Variants in SLC4A5 observed in about 807,000 individuals in gnomAD.
The protein encoded by SLC4A5 is solute carrier family 4 member 5, also known as electrogenic sodium bicarbonate cotransporter 4.
In SLC4A5, 96 loss-of-function variants were observed where a neutral mutation model predicts 120.4. The observed-to-expected ratio is 0.80, with a 90% CI of 0.68 to 0.94. The LOEUF (loss-of-function observed/expected upper bound fraction) is 0.94, where lower values mean the gene tolerates loss of function less well. Ranked by LOEUF, SLC4A5 falls within the 40% of genes least tolerant of loss-of-function variation. SLC4A5 has a pLI of 0.00. For missense variants in SLC4A5, 1,259 were observed against 1,459.5 expected (o/e 0.86, Z 2.24); for synonymous variants, 550 against 571.1 (o/e 0.96, Z 0.53).
intron 25 of SLC4A5, among the ~76,000 whole-genome samples, chr2:74,228,755 C>T (rs1279378319): frequency 1.3e-5 from 2 of 150,108 alleles, no homozygotes; most frequent in Non-Finnish European, 3.0e-5. Flanking sequence ...CTAATCAGCA[C>T]TCATCACCAA....
At chr2:74,256,639 A>T (rs1670973112) in intron 12 of SLC4A5, among the ~76,000 whole-genome samples, 1 of 152,222 alleles carries the variant, frequency 6.6e-6, no homozygotes, top group South Asian at 2.1e-4. Context: ...GAGGTACTGG[A>T]GACAAGCCCT....
chr2:74,325,901 GGGAAA>G (rs547355836), intron 5 of SLC4A5, among the ~76,000 whole-genome samples: 37 of 150,336 alleles, frequency 2.5e-4, no homozygotes, highest in Admixed American at 1.3e-3. Flanking sequence ...GGAAGGGAAG[GGGAAA>G]GGAAAGGAAA....
At chr2:74,231,006 C>T (rs907277804) in intron 25 of SLC4A5, among the ~76,000 whole-genome samples, 4 of 152,050 alleles carry the variant, frequency 2.6e-5, no homozygotes, top group African/African-American at 9.7e-5. Flanking sequence ...AGGGTTTCAC[C>T]ATGTTGGTCA....
exon 20 of SLC4A5, chr2:74,241,999 A>G: frequency 6.2e-7 from 1 of 1,604,646 alleles, no homozygotes; most frequent in East Asian, 2.3e-5. Flanking sequence ...CTTACCAGAG[A>G]AGCGTTGGTG....
intron 8 of SLC4A5, among the ~76,000 whole-genome samples, chr2:74,266,329 C>T (rs1671301571): frequency 2.0e-5 from 3 of 152,106 alleles, no homozygotes; most frequent in Admixed American, 6.6e-5. Context: ...AGTGCAGTGG[C>T]ATGATTTTGG....
chr2:74,304,342 G>A, intron 7 of SLC4A5, 147 bp downstream of exon 7: 2 of 750,154 alleles, frequency 2.7e-6, no homozygotes, highest in Non-Finnish European at 4.0e-6. Context: ...GCCAACAATG[G>A]AAGCAGAGCA....
intron 7 of SLC4A5, chr2:74,290,347 C>T (rs1305561175): frequency 1.7e-5 from 17 of 985,330 alleles, no homozygotes; most frequent in Non-Finnish European, 1.9e-5. Flanking sequence ...TTCCACAGGT[C>T]CTCTTCTTCA....
exon 31 of SLC4A5, chr2:74,216,554 G>A (rs1314953515): frequency 6.6e-6 from 1 of 152,172 alleles, no homozygotes; most frequent in Non-Finnish European, 1.5e-5. Flanking sequence ...TGTGTTAAGG[G>A]TGGATTGTTA....
chr2:74,260,413 C>T (rs892205373), intron 11 of SLC4A5, among the ~76,000 whole-genome samples: 8 of 152,088 alleles, frequency 5.3e-5, no homozygotes, highest in African/African-American at 2.4e-5. Flanking sequence ...GCTGGTCAAT[C>T]GCTCCCACTC....
intron 5 of SLC4A5, among the ~76,000 whole-genome samples, chr2:74,326,233 T>A (rs1017326180): frequency 6.6e-6 from 1 of 152,216 alleles, no homozygotes; most frequent in Non-Finnish European, 1.5e-5. Flanking sequence ...ACCAGTACAA[T>A]CATCCACTAC....
intron 8 of SLC4A5, among the ~76,000 whole-genome samples, chr2:74,282,144 G>A (rs545075942): frequency 5.4e-4 from 82 of 152,280 alleles, no homozygotes; most frequent in African/African-American, 1.9e-3. Context: ...CCTGGAGGAG[G>A]GCCCAGCAAA....
At chr2:74,341,873 A>G (rs1327253032) in intron 2 of SLC4A5, among the ~76,000 whole-genome samples, 1 of 151,794 alleles carries the variant, frequency 6.6e-6, no homozygotes, top group Admixed American at 6.6e-5. Context: ...CAAAAGGGGG[A>G]CTCCGCCCAA....
chr2:74,341,397 T>C (rs1673621743), intron 2 of SLC4A5, among the ~76,000 whole-genome samples: 1 of 152,146 alleles, frequency 6.6e-6, no homozygotes, highest in South Asian at 2.1e-4. Context: ...TCATGTTTGT[T>C]CAATGGAACA....
At chr2:74,293,171 G>A (rs1672226562) in intron 7 of SLC4A5, among the ~76,000 whole-genome samples, 1 of 152,316 alleles carries the variant, frequency 6.6e-6, no homozygotes, top group African/African-American at 2.4e-5. Flanking sequence ...TGCCAACTGT[G>A]TGAAGTAGGT....
At chr2:74,222,940 G>A (rs1218163111) in exon 29 of SLC4A5, 2 of 1,611,556 alleles carry the variant, frequency 1.2e-6, no homozygotes, top group Non-Finnish European at 1.7e-6. Context: ...ACCGAGGGAG[G>A]AGGGAACTGG....
At chr2:74,324,246 T>C (rs1056589343) in intron 5 of SLC4A5, among the ~76,000 whole-genome samples, 15 of 152,186 alleles carry the variant, frequency 9.9e-5, no homozygotes, top group African/African-American at 3.6e-4. Context: ...TGCATCATAA[T>C]ACCTAGAAGG....
At chr2:74,320,233 C>G (rs1014163006) in intron 5 of SLC4A5, among the ~76,000 whole-genome samples, 1 of 151,870 alleles carries the variant, frequency 6.6e-6, no homozygotes, top group African/African-American at 2.4e-5. Flanking sequence ...AGAAAATTAC[C>G]AATGAAATAA....
chr2:74,243,163 A>G (rs1670500038), intron 19 of SLC4A5, among the ~76,000 whole-genome samples: 1 of 152,184 alleles, frequency 6.6e-6, no homozygotes, highest in African/African-American at 2.4e-5. Context: ...CCCTAACTGC[A>G]TGTGGATCAC....
chr2:74,300,967 G>C (rs1198854625), intron 7 of SLC4A5, among the ~76,000 whole-genome samples: 2 of 152,164 alleles, frequency 1.3e-5, no homozygotes, highest in Non-Finnish European at 2.9e-5. Context: ...TGTGGTTCAA[G>C]GAAGCATCAA....
Sources: gnomAD v4.1 joint callset for allele counts (sites outside exome capture counted in the v4.1 genomes callset) on GRCh38, gnomAD v4.1.1 for gene constraint, MANE v1.5 for transcripts, NCBI Gene and HGNC (gene_info 2026-07-23, HGNC 2026-07-21) for gene names.